HTR6: variants seen among roughly 807,000 people sequenced by gnomAD.
The protein encoded by HTR6 is 5-hydroxytryptamine (serotonin) receptor 6, G protein-coupled.
Under a neutral mutation model 17.4 loss-of-function variants are expected in HTR6, and 15 were observed. That is an observed-to-expected ratio of 0.86 (90% CI 0.58 to 1.33). The LOEUF is 1.33. Among genes scored for constraint, HTR6 ranks in the 40% most tolerant of loss-of-function variants. HTR6 has a pLI of 0.00. For missense variants in HTR6, 578 were observed against 616.0 expected (o/e 0.94, Z 0.65); for synonymous variants, 326 against 295.5 (o/e 1.10, Z -1.06).
chr1:19,675,686 C>T (rs1348198122), intron 1 of HTR6, among the ~76,000 whole-genome samples: 1 of 152,172 alleles, frequency 6.6e-6, no homozygotes, highest in Non-Finnish European at 1.5e-5. Context: ...CTCTCCCCTG[C>T]CCTCCTCAGG....
intron 1 of HTR6, among the ~76,000 whole-genome samples, chr1:19,672,886 G>A (rs750984579): frequency 2.6e-5 from 4 of 152,090 alleles, no homozygotes; most frequent in African/African-American, 9.7e-5. Context: ...TAAAAAATTA[G>A]CCAGGCCTGG....
intron 1 of HTR6, among the ~76,000 whole-genome samples, chr1:19,670,827 G>C (rs568830862): frequency 2.0e-5 from 3 of 152,298 alleles, no homozygotes; most frequent in Non-Finnish European, 4.4e-5. Flanking sequence ...TGGGTGCTCA[G>C]TATGTATTGA....
chr1:19,673,769 C>T (rs1391014993), intron 1 of HTR6, among the ~76,000 whole-genome samples: 1 of 151,626 alleles, frequency 6.6e-6, no homozygotes, highest in Non-Finnish European at 1.5e-5. Context: ...AAAAATTCAA[C>T]AATAGGGATG....
intron 1 of HTR6, among the ~76,000 whole-genome samples, chr1:19,668,619 A>T (rs1056957761): frequency 1.4e-4 from 21 of 152,134 alleles, no homozygotes; most frequent in African/African-American, 3.9e-4. Flanking sequence ...TATTTATTAG[A>T]CACAGGGTCT....
Position 19,666,402 on chromosome 1 carries a change from A to C in HTR6, c.649A>C (p.Lys217Gln). 6.2e-7 allele frequency: 1 copy of C among 1,613,532 alleles called. No homozygotes were observed. Among genetic ancestry groups the C allele is most frequent in the Non-Finnish European group, 8.5e-7 (1 of 1,179,960 alleles). Reference protein sequence around the residue: ...TYCRILLAARKQAVQVASLTT... With the variant: ...TYCRILLAARQQAVQVASLTT... ...CTGCAGGATCCTGCTAGCTGCCCGC[A>C]AGCAGGCCGTGCAGGTGGCCTCCCT... Residue 217 changes from lysine to glutamine, a missense_variant, in exon 1 of 3, where the codon AAG becomes CAG. Lys to Gln is a moderately conservative substitution (Grantham distance 53). Coordinates refer to ENST00000289753, the MANE Select transcript of HTR6 (RefSeq NM_000871.3). The surrounding 1 kb of genome is among the most constrained non-coding windows in gnomAD (Gnocchi z 4.5).
chr1:19,668,416 G>A (rs1389006902), intron 1 of HTR6, among the ~76,000 whole-genome samples: 1 of 152,018 alleles, frequency 6.6e-6, no homozygotes, highest in Non-Finnish European at 1.5e-5. Context: ...TGAACTCTTG[G>A]GCTCAAGCGA....
chr1:19,665,900 G>T lies in HTR6; in HGVS notation c.147G>T (p.Ala49=). Reference sequence around the variant, plus strand: ...CGGCGGCCAACTCGCTGCTGATCGCGCTCATCTGCACTCAGCCCGCGCTGC... The same window carrying T: ...CGGCGGCCAACTCGCTGCTGATCGCTCTCATCTGCACTCAGCCCGCGCTGC... ...LTAAANSLLI[A]LICTQPALRN... Residue 49 remains alanine, a synonymous_variant, in exon 1 of 3, where the codon GCG becomes GCT. Coordinates refer to ENST00000289753, the MANE Select transcript of HTR6 (RefSeq NM_000871.3). This position sits in a 1 kb window ranked among gnomAD's most constrained non-coding sequence, Gnocchi z 4.2. The T allele has an allele frequency of 6.2e-7, 1 of 1,611,634 alleles. No homozygotes were observed. Among genetic ancestry groups the T allele is most frequent in the Non-Finnish European group, 8.5e-7 (1 of 1,179,248 alleles).
chr1:19,673,818 C>T (rs1356850161), intron 1 of HTR6, among the ~76,000 whole-genome samples: 1 of 151,818 alleles, frequency 6.6e-6, no homozygotes, highest in African/African-American at 2.4e-5. Flanking sequence ...TCACCTTTCA[C>T]TCCCAGGGAC....
intron 1 of HTR6, among the ~76,000 whole-genome samples, chr1:19,678,354 G>T (rs1412309520): frequency 6.6e-6 from 1 of 151,774 alleles, no homozygotes; most frequent in Non-Finnish European, 1.5e-5. Flanking sequence ...CAAGGTCAGG[G>T]CTTGGTTTAT....
chr1:19,679,372 G>A lies in HTR6; in HGVS notation c.*4G>A, dbSNP rs201221200. 7 of 1,572,804 alleles carry A rather than the reference G, an allele frequency of 4.5e-6. No individual in the cohort carries two copies. Among genetic ancestry groups the A allele is most frequent in the Middle Eastern group, 2.2e-4 (1 of 4,486 alleles). On this transcript the variant is annotated 3_prime_UTR_variant, in exon 3 of 3. Coordinates refer to ENST00000289753, the MANE Select transcript of HTR6 (RefSeq NM_000871.3). The surrounding 1 kb of genome is among the most constrained non-coding windows in gnomAD (Gnocchi z 4.9). ...ACTTGGCATCCCCACGAACTGACCC[G>A]GGCTTGGGGCTGGCCAATGGGGAGC...
chr1:19,665,875 C>T lies in HTR6; in HGVS notation c.122C>T (p.Ala41Val). The change falls in exon 1 of 3, where the codon GCG becomes GTG. Residue 41 changes from alanine to valine, a missense_variant. Ala to Val is a moderately conservative substitution (Grantham distance 64). Coordinates refer to ENST00000289753, the MANE Select transcript of HTR6 (RefSeq NM_000871.3). The surrounding 1 kb of genome is among the most constrained non-coding windows in gnomAD (Gnocchi z 4.2). ...AALCVVIALTAAANSLLIALI... is the reference protein window; with the variant it reads ...AALCVVIALTVAANSLLIALI... ...CTGTGCGTGGTCATCGCGCTGACGG[C>T]GGCGGCCAACTCGCTGCTGATCGCG... The T allele has an allele frequency of 6.2e-7, 1 of 1,604,582 alleles. No individual in the cohort carries two copies.
In HTR6 at chr1:19,666,425, C is replaced by T; in HGVS notation, c.672C>T (p.Ser224=). The T allele has an allele frequency of 6.2e-7, 1 of 1,613,068 alleles. No individual in the cohort carries two copies. ...AARKQAVQVA[S]LTTGMASQAS... is the part of the protein sequence containing the mutation. The stretch of plus-strand genomic sequence containing the variant: ...GCAAGCAGGCCGTGCAGGTGGCCTC[C>T]CTCACCACCGGCATGGCCAGTCAGG... The change falls in exon 1 of 3, where the codon TCC becomes TCT. Residue 224 remains serine, a synonymous_variant. Transcript: ENST00000289753. The surrounding 1 kb of genome is among the most constrained non-coding windows in gnomAD (Gnocchi z 4.5).
In HTR6 at chr1:19,666,544, C is replaced by T; in HGVS notation, c.714+77C>T. The T allele has an allele frequency of 9.3e-7, 1 of 1,080,306 alleles. No homozygotes were observed. 66.9% of individuals were successfully genotyped at this position (1,080,306 alleles called of 1,614,324 possible). ...AGCCCCTGGGGACCCCCTGGGCATC[C>T]CCACTTAGCACACATTTGCTCATGG... is the stretch of plus-strand genomic sequence containing the variant. On this transcript the variant is annotated intron_variant, in intron 1 of 2. Coordinates refer to ENST00000289753, the MANE Select transcript of HTR6 (RefSeq NM_000871.3). The surrounding 1 kb of genome is among the most constrained non-coding windows in gnomAD (Gnocchi z 4.5).
chr1:19,676,764 G>A (rs1242045942), intron 1 of HTR6, among the ~76,000 whole-genome samples: 2 of 152,150 alleles, frequency 1.3e-5, no homozygotes, highest in Non-Finnish European at 2.9e-5. Flanking sequence ...ATCTGGCTCT[G>A]CTCCTGCCTC....
At position 19,680,394 on chromosome 1, in the gene HTR6, C is replaced by T. The variant is rs10917513; in HGVS notation, c.*1026C>T. Reference sequence around the variant, plus strand: ...CCTGTTCTGGCTCCTGGGTGGGGACCCCATCTCTCAGGGACCCTCCCAGCT... The same window carrying T: ...CCTGTTCTGGCTCCTGGGTGGGGACTCCATCTCTCAGGGACCCTCCCAGCT... On this transcript the variant is annotated 3_prime_UTR_variant, in exon 3 of 3. Coordinates refer to ENST00000289753, the MANE Select transcript of HTR6 (RefSeq NM_000871.3). Among the ~76,000 whole-genome samples, 71,640 of 152,072 alleles carry T rather than the reference C, an allele frequency of 0.47. 20,209 individuals carry two copies. The highest frequency in any genetic ancestry group is 0.64 in the Non-Finnish European group (43,457 of 67,952).
At chr1:19,670,145 C>T (rs994042674) in intron 1 of HTR6, among the ~76,000 whole-genome samples, 1 of 151,994 alleles carries the variant, frequency 6.6e-6, no homozygotes, top group Non-Finnish European at 1.5e-5. Context: ...CTTGCTGTTC[C>T]TTGAACACAC....
chr1:19,666,305 C>T lies in HTR6; in HGVS notation c.552C>T (p.Ala184=), dbSNP rs1373649947. ...PPVPGQCRLL[A]SLPFVLVASG... Reference sequence around the variant, plus strand: ...TCCCTGGCCAGTGCCGCCTGCTGGCCAGCCTGCCTTTTGTCCTTGTGGCGT... The same window carrying T: ...TCCCTGGCCAGTGCCGCCTGCTGGCTAGCCTGCCTTTTGTCCTTGTGGCGT... The change falls in exon 1 of 3, where the codon GCC becomes GCT. Residue 184 remains alanine (A), a synonymous_variant. Coordinates refer to ENST00000289753, the MANE Select transcript of HTR6 (RefSeq NM_000871.3). The surrounding 1 kb of genome is among the most constrained non-coding windows in gnomAD (Gnocchi z 4.5). 6.2e-7 allele frequency: 1 copy of T among 1,613,052 alleles called. No homozygotes were observed. Among genetic ancestry groups the T allele is most frequent in the Non-Finnish European group, 8.5e-7 (1 of 1,179,936 alleles).
chr1:19,670,615 C>T (rs917074335), intron 1 of HTR6, among the ~76,000 whole-genome samples: 2 of 152,026 alleles, frequency 1.3e-5, no homozygotes, highest in Non-Finnish European at 1.5e-5. Context: ...AGGTGCACAT[C>T]GCCACACCGG....
Position 19,679,548 on chromosome 1 carries a change from C to T in HTR6, c.*180C>T, listed in dbSNP as rs1355335315. The stretch of plus-strand genomic sequence containing the variant: ...CTCCAGGCCCCTTACCTGCAGGGAT[C>T]ATAGCTGACTCAGATATCGTGTTCT... On this transcript the variant is annotated 3_prime_UTR_variant, in exon 3 of 3. Transcript: ENST00000289753. The surrounding 1 kb of genome is among the most constrained non-coding windows in gnomAD (Gnocchi z 4.9). 1.7e-5 allele frequency: 14 copies of T among 831,194 alleles called. No individual in the cohort carries two copies. Among genetic ancestry groups the T allele is most frequent in the Non-Finnish European group, 2.3e-5 (13 of 556,400 alleles). The allele number at this position is 831,194 out of a possible 1,614,324, so 51.5% of individuals were successfully genotyped here. A position where few individuals can be genotyped will look rare whatever the true frequency, so the allele number is the denominator to read the frequency against.
Sources: gnomAD v4.1 joint callset for allele counts (sites outside exome capture counted in the v4.1 genomes callset) on GRCh38, gnomAD v4.1.1 for gene constraint, Gnocchi (gnomAD v3.1) non-coding constraint, MANE v1.5 for transcripts, NCBI Gene and HGNC (gene_info 2026-07-23, HGNC 2026-07-21) for gene names.